UPF3B: variants seen among roughly 807,000 people sequenced by gnomAD.
The protein encoded by UPF3B is regulator of nonsense transcripts 3B.
UPF3B carries 7 observed loss-of-function variants against 40.3 expected under a neutral mutation model. The observed-to-expected ratio is 0.17, with a 90% CI of 0.10 to 0.33. UPF3B has a LOEUF of 0.33. Among genes scored for constraint, UPF3B ranks in the 10% least tolerant of loss-of-function variants. The probability of loss-of-function intolerance (pLI) is 1.00; values close to 1 mark genes in which losing one functional copy is unlikely to be tolerated. For synonymous variants in UPF3B, 117 were observed against 117.3 expected (o/e 1.00, Z 0.01); for missense variants, 229 against 358.9 (o/e 0.64, Z 2.93).
chrX:119,844,734 G>A (rs1418361901), intron 4 of UPF3B, among the ~76,000 whole-genome samples: 1 of 110,756 alleles, frequency 9.0e-6, no homozygotes, highest in Admixed American at 9.6e-5. Flanking sequence ...CTCCCGAATA[G>A]CTGGGATTAC....
At chrX:119,820,882 G>A (rs1433502449) in intron 4 of UPF3B, among the ~76,000 whole-genome samples, 1 of 111,972 alleles carries the variant, frequency 8.9e-6, no homozygotes. Context: ...CTGGCAAACA[G>A]ATGCCATGTT....
chrX:119,832,272 T>C (rs2056044684), downstream of UPF3B, among the ~76,000 whole-genome samples: 1 of 112,116 alleles, frequency 8.9e-6, no homozygotes, highest in Non-Finnish European at 1.9e-5. Flanking sequence ...TTCATTCCTT[T>C]TTTTGAGACG....
At chrX:119,817,431 C>T (rs971374836) in intron 4 of UPF3B, among the ~76,000 whole-genome samples, 1 of 111,893 alleles carries the variant, frequency 8.9e-6, no homozygotes, top group Non-Finnish European at 1.9e-5. Flanking sequence ...TCTTGTGAGG[C>T]TTACTCACTA....
intron 5 of UPF3B, among the ~76,000 whole-genome samples, chrX:119,810,671 A>G (rs1369772304): frequency 8.9e-6 from 1 of 111,781 alleles, no homozygotes. Flanking sequence ...ATCACAGCAA[A>G]GGTTCTGCTC....
intron 10 of UPF3B, 102 bp from the exon 11 acceptor site, chrX:119,835,129 G>T: frequency 9.9e-7 from 1 of 1,008,776 alleles, no homozygotes; most frequent in Non-Finnish European, 1.4e-6. Flanking sequence ...CTCAAGTGAA[G>T]TCATTTAAGA....
At chrX:119,821,808 C>CA (rs1385547285) in intron 4 of UPF3B, among the ~76,000 whole-genome samples, 71 of 104,312 alleles carry the variant, frequency 6.8e-4, no homozygotes, top group African/African-American at 1.8e-3. Flanking sequence ...AAAAAAAAAA[C>CA]AAAAAAAACA....
chrX:119,829,181 C>T (rs780846646), downstream of UPF3B, among the ~76,000 whole-genome samples: 57 of 111,911 alleles, frequency 5.1e-4, no homozygotes, highest in African/African-American at 1.7e-3. Context: ...GCCATCATGC[C>T]TGGCTAATTT....
intron 6 of UPF3B, among the ~76,000 whole-genome samples, chrX:119,806,531 T>A (rs2055792933): frequency 8.9e-6 from 1 of 111,903 alleles, no homozygotes; most frequent in Admixed American, 9.6e-5. Flanking sequence ...GAAAATATTC[T>A]TCATGCTAAG....
chrX:119,832,473 G>A (rs775557213), downstream of UPF3B, among the ~76,000 whole-genome samples: 39 of 111,578 alleles, frequency 3.5e-4, no homozygotes, highest in Non-Finnish European at 6.6e-4. Context: ...TGGCCAGGCT[G>A]GTCTTAAACT....
intron 3 of UPF3B, among the ~76,000 whole-genome samples, chrX:119,823,830 C>G (rs763286850): frequency 9.0e-6 from 1 of 111,406 alleles, no homozygotes; most frequent in East Asian, 2.8e-4. Context: ...TCCCAAAGTG[C>G]TGGGATTATA....
Position 119,852,770 on chromosome X carries a change from C to A in UPF3B, c.156+3G>T. ...TCTCCCGGGCCAGCGGCCGACCGGG[C>A]ACCTTGCTCAGCGCTTCTTTCTTCT... On this transcript the variant is annotated splice_donor_region_variant and intron_variant, in intron 1 of 10. Transcript: ENST00000276201. 2.5e-6 allele frequency: 3 copies of A among 1,212,470 alleles called. No homozygotes were observed. The highest frequency in any genetic ancestry group is 3.3e-6 in the Non-Finnish European group (3 of 895,689).
At chrX:119,832,142 T>C (rs781109826), downstream of UPF3B, among the ~76,000 whole-genome samples, 2 of 111,856 alleles carry the variant, frequency 1.8e-5, no homozygotes, top group South Asian at 7.4e-4. Context: ...AAATTTTTAG[T>C]AGAGATGGGG....
At chrX:119,824,764 C>CTTTTTTTTTTTTTTTTTTTTTT (rs11351287) in intron 3 of UPF3B, among the ~76,000 whole-genome samples, 1 of 65,646 alleles carries the variant, frequency 1.5e-5, no homozygotes, top group Admixed American at 2.1e-4. Context: ...CCATTTCTTT[C>CTTTTTTTTTTTTTTTTTTTTTT]TTTTTTTTTT....
chrX:119,809,675 C>T (rs957439048), intron 5 of UPF3B, among the ~76,000 whole-genome samples: 2 of 111,905 alleles, frequency 1.8e-5, no homozygotes, highest in South Asian at 3.7e-4. Flanking sequence ...GAGCTGAGAT[C>T]GCGCCACAGC....
At chrX:119,846,951 T>A (rs989386050) in intron 3 of UPF3B, among the ~76,000 whole-genome samples, 1 of 111,965 alleles carries the variant, frequency 8.9e-6, no homozygotes, top group African/African-American at 3.2e-5. Context: ...TAACCCAATT[T>A]AAAAAATGGT....
chrX:119,813,013 A>G (rs1382305486), intron 5 of UPF3B, among the ~76,000 whole-genome samples: 3 of 111,194 alleles, frequency 2.7e-5, no homozygotes, highest in Admixed American at 9.7e-5. Context: ...CCAGTTGACA[A>G]TCATTTACTT....
chrX:119,841,952 G>A (rs773750151), intron 5 of UPF3B, among the ~76,000 whole-genome samples, 174 bp from the exon 6 acceptor site: 3 of 111,958 alleles, frequency 2.7e-5, no homozygotes, highest in East Asian at 5.6e-4. Flanking sequence ...TCAACAATAC[G>A]GGATTAAAAT....
chrX:119,809,507 G>A (rs889396099), intron 5 of UPF3B, among the ~76,000 whole-genome samples: 1 of 111,945 alleles, frequency 8.9e-6, no homozygotes, highest in Non-Finnish European at 1.9e-5. Flanking sequence ...GATCACTTGA[G>A]GTCAGGAGTT....
intron 3 of UPF3B, among the ~76,000 whole-genome samples, chrX:119,824,773 T>A (rs1368588090): frequency 2.0e-5 from 2 of 98,418 alleles, no homozygotes; most frequent in Non-Finnish European, 4.1e-5. Context: ...TCTTTTTTTT[T>A]TTTTTTTTTT....
Sources: gnomAD v4.1 joint callset for allele counts (sites outside exome capture counted in the v4.1 genomes callset) on GRCh38, gnomAD v4.1.1 for gene constraint, MANE v1.5 for transcripts, NCBI Gene and HGNC (gene_info 2026-07-23, HGNC 2026-07-21) for gene names.